Variants in DCC observed in about 807,000 individuals in gnomAD.
DCC encodes DCC netrin 1 receptor.
A neutral mutation model predicts 172.5 loss-of-function variants in DCC; 58 were observed. The ratio of observed to expected loss-of-function variants is 0.34; its 90% confidence interval spans 0.27 to 0.42. The LOEUF is 0.42. Ranked by LOEUF, DCC falls within the 10% of genes least tolerant of loss-of-function variation. The pLI, the probability that DCC is intolerant of heterozygous loss-of-function variation, is 1.00. For synonymous variants in DCC, 709 were observed against 644.5 expected, an observed-to-expected ratio of 1.10 and a Z score of -1.52; for missense variants, 1,740 against 1,791.0, an observed-to-expected ratio of 0.97 and a Z score of 0.51.
intron 5 of DCC, among the ~76,000 whole-genome samples, chr18:53,034,807 C>T (rs1456870265): frequency 1.3e-5 from 2 of 151,872 alleles, no homozygotes; most frequent in East Asian, 1.9e-4. Flanking sequence ...GCTCTTCTCT[C>T]TCTTGCTCTT....
At chr18:53,369,494 C>T (rs748392548) in intron 15 of DCC, among the ~76,000 whole-genome samples, 2 of 151,862 alleles carry the variant, frequency 1.3e-5, no homozygotes, top group South Asian at 2.1e-4. Context: ...TGCCTAATTG[C>T]TCTGACTAAA....
intron 7 of DCC, among the ~76,000 whole-genome samples, chr18:53,103,481 A>T (rs549496564): frequency 1.3e-5 from 2 of 152,118 alleles, no homozygotes; most frequent in African/African-American, 4.8e-5. Context: ...GGCTCAAGTG[A>T]TCCCTTTTGC....
At chr18:53,236,474 G>T (rs1052652766) in intron 12 of DCC, among the ~76,000 whole-genome samples, 20 of 152,082 alleles carry the variant, frequency 1.3e-4, no homozygotes, top group African/African-American at 4.6e-4. Flanking sequence ...TTTTGGTATT[G>T]TTAACATTTT....
At chr18:52,388,245 C>T (rs1985894930) in intron 1 of DCC, among the ~76,000 whole-genome samples, 1 of 151,856 alleles carries the variant, frequency 6.6e-6, no homozygotes, top group African/African-American at 2.4e-5. Context: ...GGCAACTTTT[C>T]ATGTGTCTGA....
chr18:52,817,803 A>ATATATATATATATATGTG (rs375371359), intron 2 of DCC, among the ~76,000 whole-genome samples: 8 of 151,428 alleles, frequency 5.3e-5, no homozygotes, highest in African/African-American at 1.9e-4. Flanking sequence ...ATATATATAT[A>ATATATATATATATATGTG]TGTGTGTGTG....
intron 25 of DCC, among the ~76,000 whole-genome samples, chr18:53,484,236 T>C (rs2045875168): frequency 6.6e-6 from 1 of 152,000 alleles, no homozygotes; most frequent in Non-Finnish European, 1.5e-5. Flanking sequence ...AAGTATTTGT[T>C]ACTCATTCAA....
At chr18:52,429,691 A>C (rs1987556062) in intron 1 of DCC, among the ~76,000 whole-genome samples, 1 of 152,204 alleles carries the variant, frequency 6.6e-6, no homozygotes, top group South Asian at 2.1e-4. Context: ...GAATATTGTC[A>C]TTCCATCAGA....
At chr18:53,488,085 T>A (rs2045921946) in intron 26 of DCC, among the ~76,000 whole-genome samples, 1 of 152,250 alleles carries the variant, frequency 6.6e-6, no homozygotes. Flanking sequence ...TACACTCTTT[T>A]GATTTCTTGT....
At position 53,089,339 on chromosome 18, in the gene DCC, G is replaced by A. The variant is rs573003737; in HGVS notation, c.1261+23173G>A. 2.0e-5 allele frequency among the ~76,000 whole-genome samples: 3 copies of A among 152,120 alleles called. No homozygotes were observed. The South Asian group carries it at 6.2e-4, about 32-fold the overall frequency. On this transcript the variant is annotated intron_variant, in intron 7 of 28. Transcript: ENST00000442544. ...GACCTCAAATGATCTTCCCACCTCG[G>A]CCTCCCAAAATGCTGGGATTACAGG...
intron 5 of DCC, among the ~76,000 whole-genome samples, chr18:52,989,914 T>C (rs1397180660): frequency 2.0e-5 from 3 of 152,120 alleles, no homozygotes; most frequent in Non-Finnish European, 4.4e-5. Context: ...ACTGCACAGG[T>C]AGAGACAGAG....
rs77588605 is a variant in DCC, at chr18:53,299,297, C to G, written c.1912-6281C>G. On this transcript the variant is annotated intron_variant, in intron 12 of 28. Coordinates refer to ENST00000442544, the MANE Select transcript of DCC (RefSeq NM_005215.4). ...TAAATGAACACATTAATCCAGCCTTCTCTCTCTTTTGCATGGTCTGAAAAA... is the reference window on the plus strand; with the variant it reads ...TAAATGAACACATTAATCCAGCCTTGTCTCTCTTTTGCATGGTCTGAAAAA... Among the ~76,000 whole-genome samples, 849 of 152,258 alleles carry G rather than the reference C, an allele frequency of 5.6e-3. 6 individuals are homozygous for G. Among genetic ancestry groups the G allele is most frequent in the Admixed American group, 0.023 (348 of 15,284 alleles).
chr18:52,649,067 A>G (rs2035071743), intron 1 of DCC, among the ~76,000 whole-genome samples: 1 of 152,208 alleles, frequency 6.6e-6, no homozygotes, highest in African/African-American at 2.4e-5. Context: ...TACGCAGAAG[A>G]ACTGTAACTA....
chr18:52,385,905 T>C (rs1031575940), intron 1 of DCC, among the ~76,000 whole-genome samples: 1 of 152,152 alleles, frequency 6.6e-6, no homozygotes, highest in African/African-American at 2.4e-5. Flanking sequence ...AATAGCCATC[T>C]AATTAGTAGA....
chr18:53,448,047 GTT>G (rs35238619), intron 22 of DCC, among the ~76,000 whole-genome samples: 9 of 113,720 alleles, frequency 7.9e-5, no homozygotes, highest in Admixed American at 1.9e-4. Context: ...ATTTTGATGA[GTT>G]TTTTTTTTTT....
rs2036767652 is a variant in DCC at position 52,738,755 on chromosome 18, T to C, written c.92-13299T>C. ...TTTCTTTCTTTCTTTGTTTTTTTTT[T>C]TTGAGACTAAGTCTCACCCTGTCAC... On this transcript the variant is annotated intron_variant, in intron 1 of 28. Coordinates refer to ENST00000442544, the MANE Select transcript of DCC (RefSeq NM_005215.4). Among the ~76,000 whole-genome samples, 3 of 151,478 alleles carry C rather than the reference T, an allele frequency of 2.0e-5. No homozygotes were observed. The East Asian group carries it at 5.8e-4, about 29-fold the overall frequency.
intron 7 of DCC, among the ~76,000 whole-genome samples, chr18:53,147,784 C>T (rs1303664474): frequency 2.0e-5 from 3 of 152,092 alleles, no homozygotes; most frequent in Non-Finnish European, 4.4e-5. Flanking sequence ...TGAGCATTTC[C>T]ACAGCTATCC....
At chr18:52,538,654 C>G (rs2032352457) in intron 1 of DCC, among the ~76,000 whole-genome samples, 1 of 152,150 alleles carries the variant, frequency 6.6e-6, no homozygotes, top group South Asian at 2.1e-4. Flanking sequence ...CTCCAGTAGC[C>G]CTTTCACAGG....
At chr18:52,826,820 T>C (rs1194842463) in intron 2 of DCC, among the ~76,000 whole-genome samples, 1 of 152,172 alleles carries the variant, frequency 6.6e-6, no homozygotes, top group Non-Finnish European at 1.5e-5. Flanking sequence ...TCTGTATCCG[T>C]GGAGTTTCCA....
intron 13 of DCC, among the ~76,000 whole-genome samples, chr18:53,320,271 A>G (rs1009794707): frequency 4.6e-5 from 7 of 151,834 alleles, no homozygotes; most frequent in African/African-American, 7.3e-5. Context: ...ACGGGGTTCC[A>G]CCGTGTTAGC....
Sources: gnomAD v4.1 joint callset for allele counts (sites outside exome capture counted in the v4.1 genomes callset) on GRCh38, gnomAD v4.1.1 for gene constraint, MANE v1.5 for transcripts, NCBI Gene and HGNC (gene_info 2026-07-23, HGNC 2026-07-21) for gene names.